Variants in SPAG16 observed in about 807,000 individuals in gnomAD.
The protein encoded by SPAG16 is sperm associated antigen 16.
In SPAG16, 86 loss-of-function variants were observed where a neutral mutation model predicts 80.4. The ratio of observed to expected loss-of-function variants is 1.07; its 90% CI spans 0.90 to 1.28. The LOEUF is 1.28. Among genes scored for constraint, SPAG16 ranks in the 50% most tolerant of loss-of-function variants. The pLI, the probability that SPAG16 is intolerant of heterozygous loss-of-function variation, is 0.00. For synonymous variants in SPAG16, 294 were observed against 265.9 expected, an observed-to-expected ratio of 1.11 and a Z score of -1.03; for missense variants, 870 against 765.3, an observed-to-expected ratio of 1.14 and a Z score of -1.61.
chr2:213,980,153 T>A (rs571183122), intron 12 of SPAG16, among the ~76,000 whole-genome samples: 69 of 150,114 alleles, frequency 4.6e-4, no homozygotes, highest in African/African-American at 1.6e-3. Flanking sequence ...AGATTGAGTC[T>A]GGCCAACATG....
intron 10 of SPAG16, among the ~76,000 whole-genome samples, chr2:213,648,589 C>T (rs1035911662): frequency 3.9e-5 from 5 of 127,226 alleles, no homozygotes; most frequent in Admixed American, 7.7e-5. Flanking sequence ...GGTGTAGGCA[C>T]ACACAGACAC....
chr2:213,683,790 T>A (rs1052356845), intron 10 of SPAG16, among the ~76,000 whole-genome samples: 4 of 152,216 alleles, frequency 2.6e-5, no homozygotes, highest in Non-Finnish European at 5.9e-5. Flanking sequence ...TTTAGCAATG[T>A]TACATTTGGA....
chr2:213,714,513 A>C (rs2066146362), intron 10 of SPAG16, among the ~76,000 whole-genome samples: 1 of 152,118 alleles, frequency 6.6e-6, no homozygotes, highest in African/African-American at 2.4e-5. Context: ...AAAATTGGAA[A>C]CTCAAATTAT....
At chr2:214,276,869 A>T (rs953674992) in intron 15 of SPAG16, among the ~76,000 whole-genome samples, 2 of 152,018 alleles carry the variant, frequency 1.3e-5, no homozygotes, top group African/African-American at 4.8e-5. Flanking sequence ...TCTCCTGGAT[A>T]ATATCCTGCA....
intron 9 of SPAG16, among the ~76,000 whole-genome samples, chr2:213,378,643 A>T (rs373696619): frequency 2.0e-5 from 3 of 152,340 alleles, no homozygotes; most frequent in African/African-American, 7.2e-5. Flanking sequence ...AATACCCATG[A>T]CAATTACAGT....
At chr2:213,866,753 T>C (rs2075702642) in intron 11 of SPAG16, among the ~76,000 whole-genome samples, 1 of 152,092 alleles carries the variant, frequency 6.6e-6, no homozygotes, top group African/African-American at 2.4e-5. Flanking sequence ...GGAGCAAGGG[T>C]CCAAGCTAAC....
chr2:213,898,572 C>T (rs1361654578), intron 11 of SPAG16, among the ~76,000 whole-genome samples: 1 of 152,120 alleles, frequency 6.6e-6, no homozygotes, highest in Non-Finnish European at 1.5e-5. Flanking sequence ...CCAGAAAGAC[C>T]AACAAAGTTT....
intron 15 of SPAG16, among the ~76,000 whole-genome samples, chr2:214,271,852 C>G (rs201262936): frequency 2.1e-5 from 3 of 140,636 alleles, no homozygotes; most frequent in Non-Finnish European, 3.0e-5. Context: ...ACCCCCCCCC[C>G]AAAAAAAAAG....
At chr2:213,826,312 T>G (rs566723144) in intron 10 of SPAG16, among the ~76,000 whole-genome samples, 51 of 151,916 alleles carry the variant, frequency 3.4e-4, no homozygotes, top group African/African-American at 1.2e-3. Flanking sequence ...TGCTCTTTTG[T>G]AGTTCTTTAA....
At chr2:213,820,577 A>G (rs763792762) in intron 10 of SPAG16, among the ~76,000 whole-genome samples, 1 of 152,138 alleles carries the variant, frequency 6.6e-6, no homozygotes, top group Non-Finnish European at 1.5e-5. Context: ...AAAACTTTCT[A>G]AGAACATCAT....
chr2:214,266,129 T>C (rs1691549853), intron 15 of SPAG16, among the ~76,000 whole-genome samples: 2 of 151,930 alleles, frequency 1.3e-5, no homozygotes, highest in South Asian at 4.1e-4. Flanking sequence ...TAATGATATA[T>C]GTTCAAGTCC....
intron 10 of SPAG16, among the ~76,000 whole-genome samples, chr2:213,821,897 C>G (rs1364270955): frequency 6.6e-6 from 1 of 152,160 alleles, no homozygotes; most frequent in Non-Finnish European, 1.5e-5. Flanking sequence ...TTTTTTGTAG[C>G]TAAATAGTAC....
intron 9 of SPAG16, among the ~76,000 whole-genome samples, chr2:213,445,522 C>T (rs540154415): frequency 7.2e-5 from 11 of 151,998 alleles, no homozygotes; most frequent in Non-Finnish European, 1.3e-4. Flanking sequence ...ATTAGCTGGG[C>T]GTAGTGGTGG....
At chr2:213,519,307 C>T (rs1375647491) in intron 10 of SPAG16, among the ~76,000 whole-genome samples, 1 of 152,190 alleles carries the variant, frequency 6.6e-6, no homozygotes, top group African/African-American at 2.4e-5. Flanking sequence ...TATGATTTGG[C>T]TTGGTGTCCC....
At chr2:213,920,608 T>A (rs970749666) in intron 11 of SPAG16, among the ~76,000 whole-genome samples, 5 of 152,172 alleles carry the variant, frequency 3.3e-5, no homozygotes, top group African/African-American at 1.2e-4. Context: ...AGCTATTATG[T>A]GGGCTCCCAG....
intron 15 of SPAG16, among the ~76,000 whole-genome samples, chr2:214,185,491 A>AT (rs748008122): frequency 2.2e-4 from 34 of 152,212 alleles, no homozygotes; most frequent in Admixed American, 1.7e-3. Flanking sequence ...TTCCTATGTG[A>AT]TAAAAAAAAA....
intron 8 of SPAG16, chr2:213,364,401 T>C (rs2066163886): frequency 4.8e-6 from 1 of 207,322 alleles, no homozygotes; most frequent in Non-Finnish European, 9.8e-6. Flanking sequence ...GCCTTCTCTG[T>C]GTAAATAACT....
intron 15 of SPAG16, among the ~76,000 whole-genome samples, chr2:214,193,104 A>G (rs1231385240): frequency 6.6e-6 from 1 of 152,104 alleles, no homozygotes; most frequent in Admixed American, 6.6e-5. Flanking sequence ...TCCCCATATC[A>G]GTCGGCTACT....
At chr2:214,403,210 T>G (rs1367942315) in intron 15 of SPAG16, among the ~76,000 whole-genome samples, 1 of 151,688 alleles carries the variant, frequency 6.6e-6, no homozygotes, top group East Asian at 1.9e-4. Context: ...AAGCAGAGTA[T>G]ATGCTAGTAT....
Sources: gnomAD v4.1 joint callset for allele counts (sites outside exome capture counted in the v4.1 genomes callset) on GRCh38, gnomAD v4.1.1 for gene constraint, MANE v1.5 for transcripts, NCBI Gene and HGNC (gene_info 2026-07-23, HGNC 2026-07-21) for gene names.